Variants in SEC31A observed in about 807,000 individuals in gnomAD.
The protein encoded by SEC31A is SEC31 homolog A, COPII component.
Under a neutral mutation model 151.0 loss-of-function variants are expected in SEC31A, and 70 were observed. The observed-to-expected ratio is 0.46, with a 90% confidence interval of 0.38 to 0.57. The LOEUF (loss-of-function observed/expected upper bound fraction) is 0.57. Among genes scored for constraint, SEC31A ranks in the 20% least tolerant of loss-of-function variants. The pLI is 0.00. For missense variants in SEC31A, 1,330 were observed against 1,471.2 expected, an observed-to-expected ratio of 0.90 and a Z score of 1.57; for synonymous variants, 475 against 505.9, an observed-to-expected ratio of 0.94 and a Z score of 0.82.
intron 20 of SEC31A, among the ~76,000 whole-genome samples, chr4:82,847,065 T>C (rs1455301384): frequency 6.6e-6 from 1 of 152,220 alleles, no homozygotes; most frequent in Non-Finnish European, 1.5e-5. Flanking sequence ...AACATATAAA[T>C]TGTGTGTTAA....
In SEC31A at chr4:82,853,716, C is replaced by T; in HGVS notation, c.2009-1G>A. 6.2e-7 allele frequency: 1 copy of T among 1,601,302 alleles called. No individual in the cohort carries two copies. The highest frequency in any genetic ancestry group is 8.5e-7 in the Non-Finnish European group (1 of 1,176,520). ...TTTTCAAGCCTGGTTCCCAAAAGAT[C>T]TGTAAGTAAGAGGAAAATAAAATAA... is the stretch of plus-strand genomic sequence containing the variant. On this transcript the variant is annotated splice_acceptor_variant, in intron 17 of 26. Coordinates refer to ENST00000395310, the MANE Select transcript of SEC31A (RefSeq NM_001077207.4). LOFTEE classifies it high-confidence loss of function.
At chr4:82,862,607 A>T in intron 12 of SEC31A, 35 bp from the exon 13 acceptor site, 1 of 1,593,970 alleles carries the variant, frequency 6.3e-7, no homozygotes, top group Non-Finnish European at 8.6e-7. Context: ...TACTACATGG[A>T]ATTCTATTTC....
In SEC31A at chr4:82,844,499, G is replaced by C; in HGVS notation, c.2513C>G (p.Pro838Arg). 1.2e-6 allele frequency: 2 copies of C among 1,613,632 alleles called. No homozygotes were observed. The highest frequency in any genetic ancestry group is 1.7e-6 in the Non-Finnish European group (2 of 1,179,700). ...ATGCATTATGAAACCCGGAGGTGGAGGATTTTCTCCCTAAGAAACAAGAAC... is the reference window on the plus strand; with the variant it reads ...ATGCATTATGAAACCCGGAGGTGGACGATTTTCTCCCTAAGAAACAAGAAC... ...TQQYYPHGEN[P>R]PPPGFIMHGN... The change falls in exon 21 of 27, where the codon CCT becomes CGT. Residue 838 changes from proline (P) to arginine (R), a missense_variant. Physicochemically the swap from Pro to Arg is moderately radical, Grantham distance 103. Transcript: ENST00000395310.
intron 14 of SEC31A, 87 bp from the exon 15 acceptor site, chr4:82,857,851 T>A: frequency 1.2e-6 from 1 of 803,890 alleles, no homozygotes. Flanking sequence ...TGATTCTTCA[T>A]CTACAGAGTA....
chr4:82,857,163 TAG>T (rs1732855218), intron 15 of SEC31A, 33 bp from the exon 16 acceptor site: 6 of 1,591,752 alleles, frequency 3.8e-6, no homozygotes, highest in Non-Finnish European at 4.3e-6. Flanking sequence ...CCAAGTTAAA[TAG>T]AGTTTTTGTT....
chr4:82,876,334 T>C (rs1009209905), intron 4 of SEC31A, among the ~76,000 whole-genome samples: 4 of 152,156 alleles, frequency 2.6e-5, no homozygotes, highest in Non-Finnish European at 5.9e-5. Context: ...GGTCTCAAAC[T>C]CCTGACCTCA....
At chr4:82,871,838 A>G in intron 7 of SEC31A, 106 bp downstream of exon 7, 1 of 894,984 alleles carries the variant, frequency 1.1e-6, no homozygotes, top group Non-Finnish European at 1.5e-6. Flanking sequence ...AACTCCATCT[A>G]AAAAAAAAAG....
chr4:82,842,442 C>A lies in SEC31A; in HGVS notation c.2666G>T (p.Gly889Val). The A allele has an allele frequency of 1.9e-6, 3 of 1,613,480 alleles. No homozygotes were observed. The highest frequency in any genetic ancestry group is 2.2e-5 in the South Asian group (2 of 90,886). Residue 889 changes from glycine to valine, a missense_variant, in exon 22 of 27, where the codon GGG becomes GTG. Transcript: ENST00000395310. ...PAQPYPFGTG[G>V]SAMYRPQQPV... Reference sequence around the variant, plus strand: ...CTGCTGAGGTCGATACATTGCTGACCCCCCTGTTCCGAAGGGATACGGCTG... The same window carrying A: ...CTGCTGAGGTCGATACATTGCTGACACCCCTGTTCCGAAGGGATACGGCTG...
chr4:82,891,241 A>C, upstream of SEC31A: 1 of 1,423,880 alleles, frequency 7.0e-7, no homozygotes, highest in Non-Finnish European at 9.5e-7. Context: ...TGCGCCCAAC[A>C]CTTCCGGGAG....
chr4:82,870,195 C>A, intron 8 of SEC31A, 130 bp downstream of exon 8: 1 of 579,180 alleles, frequency 1.7e-6, no homozygotes, highest in Non-Finnish European at 3.0e-6. Context: ...GCCAAATAAA[C>A]ACTGCACACA....
chr4:82,839,643 A>G (rs1475294003), intron 22 of SEC31A, among the ~76,000 whole-genome samples: 1 of 152,260 alleles, frequency 6.6e-6, no homozygotes, highest in Admixed American at 6.5e-5. Flanking sequence ...CAAAAAGAAA[A>G]TAAGATAAAG....
At chr4:82,898,222 G>A (rs1269109162) in intron 3 of SEC31A, among the ~76,000 whole-genome samples, 1 of 152,170 alleles carries the variant, frequency 6.6e-6, no homozygotes, top group East Asian at 1.9e-4. Flanking sequence ...CACTGGATAT[G>A]AAGTTACTAG....
chr4:82,821,646 G>A (rs1578095635), intron 25 of SEC31A, among the ~76,000 whole-genome samples: 1 of 151,894 alleles, frequency 6.6e-6, no homozygotes, highest in African/African-American at 2.4e-5. Flanking sequence ...GGGATGAGGA[G>A]AGGATGAGAC....
chr4:82,859,120 T>TA (rs199531964), intron 14 of SEC31A, among the ~76,000 whole-genome samples: 30 of 148,656 alleles, frequency 2.0e-4, no homozygotes, highest in South Asian at 4.2e-4. Context: ...AACTGAATCA[T>TA]AAAAAAAAAT....
chr4:82,848,398 T>G (rs913927935), intron 20 of SEC31A, among the ~76,000 whole-genome samples: 3 of 151,932 alleles, frequency 2.0e-5, no homozygotes, highest in African/African-American at 7.3e-5. Context: ...TACTAATGAT[T>G]AAGAATACTC....
chr4:82,898,655 G>C (rs1720163283), intron 3 of SEC31A, among the ~76,000 whole-genome samples: 1 of 152,180 alleles, frequency 6.6e-6, no homozygotes, highest in African/African-American at 2.4e-5. Context: ...TAAGAAAATG[G>C]CAAGTGAATG....
At chr4:82,894,169 T>A (rs536974049), upstream of SEC31A, 1 of 152,336 alleles carries the variant, frequency 6.6e-6, no homozygotes, top group African/African-American at 2.4e-5. Flanking sequence ...CTACAGAAAG[T>A]CAACAAGCAA....
At position 82,833,365 on chromosome 4, in the gene SEC31A, T is replaced by C. The variant is rs181065833; in HGVS notation, c.2969-4307A>G. ...ATGGGAATTGAAGAATGAGAACACA[T>C]GGACACAGGGAGGGGAACATCACAC... On this transcript the variant is annotated intron_variant, in intron 22 of 26. Transcript: ENST00000395310. Among the ~76,000 whole-genome samples the C allele has an allele frequency of 3.4e-3, 509 of 151,928 alleles. 1 individual carries two copies. Among genetic ancestry groups the C allele is most frequent in the African/African-American group, 0.012 (480 of 41,408 alleles).
intron 1 of SEC31A, among the ~76,000 whole-genome samples, chr4:82,888,330 G>A (rs1741260731): frequency 2.0e-5 from 1 of 49,398 alleles, no homozygotes; most frequent in African/African-American, 2.1e-4. Context: ...AAGCCTGGGA[G>A]ACAGAGCGAG....
Sources: allele counts gnomAD v4.1 joint callset (sites outside exome capture counted in the v4.1 genomes callset), GRCh38; gene constraint gnomAD v4.1.1; transcripts MANE v1.5; gene names NCBI Gene and HGNC (gene_info 2026-07-23, HGNC 2026-07-21).